Variants in ERCC6L2 observed in about 807,000 individuals in gnomAD.
ERCC6L2 encodes the protein DNA excision repair protein ERCC-6-like 2.
ERCC6L2 carries 77 observed loss-of-function variants against 132.0 expected under a neutral mutation model. The observed-to-expected ratio is 0.58, with a 90% CI of 0.49 to 0.71. The LOEUF (loss-of-function observed/expected upper bound fraction) is 0.71. Among genes scored for constraint, ERCC6L2 ranks in the 30% least tolerant of loss-of-function variants. The probability of loss-of-function intolerance (pLI) is 0.00; values close to 1 mark genes in which losing one functional copy is unlikely to be tolerated. For synonymous variants in ERCC6L2, 583 were observed against 632.4 expected, an observed-to-expected ratio of 0.92 and a Z score of 1.17; for missense variants, 1,542 against 1,837.6, an observed-to-expected ratio of 0.84 and a Z score of 2.94.
chr9:96,005,678 TG>T (rs1036410794), intron 18 of ERCC6L2, among the ~76,000 whole-genome samples: 4 of 151,548 alleles, frequency 2.6e-5, no homozygotes, highest in African/African-American at 9.7e-5. Context: ...GGGACGCAGG[TG>T]GGGCTGGAGC....
At chr9:95,962,293 G>T (rs1385449422) in intron 13 of ERCC6L2, among the ~76,000 whole-genome samples, 2 of 151,978 alleles carry the variant, frequency 1.3e-5, no homozygotes, top group African/African-American at 4.8e-5. Context: ...GTTGGTTGGG[G>T]CATTTGAGAG....
At chr9:95,887,491 C>T (rs924091468) in intron 2 of ERCC6L2, among the ~76,000 whole-genome samples, 5 of 152,170 alleles carry the variant, frequency 3.3e-5, no homozygotes, top group African/African-American at 4.8e-5. Flanking sequence ...AGTAATATGT[C>T]TTACCATATT....
intron 17 of ERCC6L2, among the ~76,000 whole-genome samples, chr9:95,981,774 T>C (rs1469026167): frequency 6.6e-6 from 1 of 152,176 alleles, no homozygotes; most frequent in Non-Finnish European, 1.5e-5. Flanking sequence ...GATACCTCCT[T>C]TTCTCAGTCA....
chr9:95,885,743 C>G (rs1053998532), intron 2 of ERCC6L2, among the ~76,000 whole-genome samples: 3 of 152,084 alleles, frequency 2.0e-5, no homozygotes, highest in Non-Finnish European at 2.9e-5. Flanking sequence ...ATATTTGGGT[C>G]AGCAGCATTA....
intron 13 of ERCC6L2, among the ~76,000 whole-genome samples, chr9:95,962,593 A>G (rs1409868902): frequency 6.6e-6 from 1 of 152,208 alleles, no homozygotes; most frequent in Non-Finnish European, 1.5e-5. Context: ...TGAGTTGAAA[A>G]AGCAATATAC....
At position 95,972,686 on chromosome 9, in the gene ERCC6L2, A is replaced by G. The variant is rs747771113; in HGVS notation, c.2935A>G (p.Ile979Val). ...TTTGAAAAGAAAAGGCACCAGTGAT[A>G]TCAGTGATGAATCTGATGACATTGA... is the stretch of plus-strand genomic sequence containing the variant. ...SILKRKGTSDISDESDDIEIS... is the reference protein window; with the variant it reads ...SILKRKGTSDVSDESDDIEIS... Residue 979 changes from isoleucine (I) to valine (V), a missense_variant, in exon 16 of 19, where the codon ATC (isoleucine) becomes GTC (valine). Physicochemically the swap from Ile to Val is conservative, Grantham distance 29. This residue lies in a region of ERCC6L2 where 945 missense variants were observed against 1,105.2 expected (regional missense o/e 0.86). Transcript: ENST00000653738. 119 of 1,300,420 alleles carry G rather than the reference A, an allele frequency of 9.2e-5. 1 individual carries two copies. Among genetic ancestry groups the G allele is most frequent in the Non-Finnish European group, 1.2e-4 (114 of 988,918 alleles). 80.6% of individuals were successfully genotyped at this position (1,300,420 alleles called of 1,614,324 possible).
rs537657700 is a variant in ERCC6L2, at chr9:96,014,975, T to C, written c.*1772T>C. 6.6e-6 allele frequency among the ~76,000 whole-genome samples: 1 copy of C among 151,720 alleles called. No individual in the cohort carries two copies. Among genetic ancestry groups the C allele is most frequent in the African/African-American group, 2.4e-5 (1 of 41,398 alleles). ...TTTTAATACCTTGTAAATTATGATA[T>C]TCATATAAATATTAGCTCTATAGTC... On this transcript the variant is annotated 3_prime_UTR_variant, in exon 19 of 19. Coordinates refer to ENST00000653738, the MANE Select transcript of ERCC6L2 (RefSeq NM_020207.7).
chr9:96,034,372 G>A (rs955089400), intron 19 of ERCC6L2, among the ~76,000 whole-genome samples: 1 of 152,198 alleles, frequency 6.6e-6, no homozygotes, highest in African/African-American at 2.4e-5. Context: ...GACCTTCCAG[G>A]CATCCCTTGA....
intron 1 of ERCC6L2, 113 bp from the exon 2 acceptor site, chr9:95,880,756 G>T (rs1299725158): frequency 2.3e-6 from 2 of 863,576 alleles, no homozygotes; most frequent in Non-Finnish European, 3.5e-6. Context: ...TCTTGTTCCA[G>T]TTTTTTGGAA....
chr9:96,026,742 A>G (rs1402195688), intron 19 of ERCC6L2, among the ~76,000 whole-genome samples: 1 of 145,870 alleles, frequency 6.9e-6, no homozygotes, highest in Non-Finnish European at 1.5e-5. Flanking sequence ...CACACCACAC[A>G]CACAGCCCAC....
At position 95,972,367 on chromosome 9, in the gene ERCC6L2, G is replaced by T; in HGVS notation, c.2616G>T (p.Gln872His). 1 of 1,281,548 alleles carries T rather than the reference G, an allele frequency of 7.8e-7. No homozygotes were observed. Among genetic ancestry groups the T allele is most frequent in the Non-Finnish European group, 1.0e-6 (1 of 984,018 alleles). 79.4% of individuals were successfully genotyped at this position (1,281,548 alleles called of 1,614,324 possible). The change falls in exon 16 of 19, where the codon CAG becomes CAT. Residue 872 changes from glutamine to histidine, a missense_variant. Gln to His is a conservative substitution (Grantham distance 24, BLOSUM62 0). This residue lies in a region of ERCC6L2 where 945 missense variants were observed against 1,105.2 expected (regional missense o/e 0.86). Coordinates refer to ENST00000653738, the MANE Select transcript of ERCC6L2 (RefSeq NM_020207.7). ...ATAAAAGTGAGAAGATTTTAGAACA[G>T]AATATTTCTTCCAAGTCTGACGAGA... is the stretch of plus-strand genomic sequence containing the variant. ...IFYKSEKILE[Q>H]NISSKSDEKK... is the part of the protein sequence containing the mutation.
At chr9:95,942,608 G>T (rs189365347) in intron 12 of ERCC6L2, among the ~76,000 whole-genome samples, 2 of 152,150 alleles carry the variant, frequency 1.3e-5, no homozygotes, top group Admixed American at 1.3e-4. Context: ...TAAAAGGAAT[G>T]AATATTTTAA....
At chr9:96,003,429 G>T (rs1769624493) in intron 17 of ERCC6L2, among the ~76,000 whole-genome samples, 1 of 152,182 alleles carries the variant, frequency 6.6e-6, no homozygotes, top group African/African-American at 2.4e-5. Flanking sequence ...CATGGCACTG[G>T]CTGGGCATTC....
At chr9:96,021,010 C>T (rs61310447), downstream of ERCC6L2, 1,740 of 456,398 alleles carry the variant, frequency 3.8e-3, 26 homozygotes, top group African/African-American at 0.032. The surrounding 1 kb of genome is among the most constrained non-coding windows in gnomAD (Gnocchi z 4.7). Context: ...ACCAAAAGTC[C>T]TCAGTGTCGG....
chr9:95,937,199 A>G (rs918979396), intron 11 of ERCC6L2, among the ~76,000 whole-genome samples: 1 of 152,190 alleles, frequency 6.6e-6, no homozygotes. Flanking sequence ...AAATTGCTAA[A>G]CTGTTAACAA....
chr9:96,025,062 G>C (rs184746866), intron 19 of ERCC6L2, among the ~76,000 whole-genome samples: 1 of 152,254 alleles, frequency 6.6e-6, no homozygotes, highest in African/African-American at 2.4e-5. Flanking sequence ...CACTGGAATA[G>C]CTTCAAGTCT....
rs1464358385 is a variant in ERCC6L2 at position 95,875,881 on chromosome 9, C to T, written c.-158C>T. ...AGTCGCTACCTTTGCTGGGATCCCC[C>T]TCCTCCATCCTGTGGCTTCGGGTTG... On this transcript the variant is annotated 5_prime_UTR_variant, in exon 1 of 19. Coordinates refer to ENST00000653738, the MANE Select transcript of ERCC6L2 (RefSeq NM_020207.7). 4 of 706,212 alleles carry T rather than the reference C, an allele frequency of 5.7e-6. No individual in the cohort carries two copies. Among genetic ancestry groups the T allele is most frequent in the South Asian group, 1.7e-5 (1 of 57,822 alleles). 43.7% of individuals were successfully genotyped at this position (706,212 alleles called of 1,614,324 possible).
At chr9:95,880,101 T>A (rs1475830259) in intron 1 of ERCC6L2, among the ~76,000 whole-genome samples, 1 of 152,196 alleles carries the variant, frequency 6.6e-6, no homozygotes, top group Admixed American at 6.5e-5. Context: ...GAGGTAATAC[T>A]CTTTAAAGTG....
chr9:95,938,195 A>G (rs1830641785), intron 11 of ERCC6L2, among the ~76,000 whole-genome samples: 1 of 152,046 alleles, frequency 6.6e-6, no homozygotes, highest in South Asian at 2.1e-4. Flanking sequence ...CATACTCAGT[A>G]TAATACCATT....
Sources: gnomAD v4.1 joint callset for allele counts (sites outside exome capture counted in the v4.1 genomes callset) on GRCh38, gnomAD v4.1.1 for gene constraint, gnomAD v4.1.1 regional missense constraint, Gnocchi (gnomAD v3.1) non-coding constraint, MANE v1.5 for transcripts, NCBI Gene and HGNC (gene_info 2026-07-23, HGNC 2026-07-21) for gene names.